RABGAP1L: variants seen among roughly 807,000 people sequenced by gnomAD.
RABGAP1L encodes the protein RAB GTPase activating protein 1 like, also known as rab GTPase-activating protein 1-like.
Under a neutral mutation model 137.7 loss-of-function variants are expected in RABGAP1L, and 63 were observed. The observed-to-expected ratio is 0.46, with a 90% CI of 0.37 to 0.56. RABGAP1L has a LOEUF of 0.56. Ranked by LOEUF, RABGAP1L falls within the 20% of genes least tolerant of loss-of-function variation. RABGAP1L has a pLI of 0.00. For missense variants in RABGAP1L, 1,095 were observed against 1,244.0 expected, an observed-to-expected ratio of 0.88 and a Z score of 1.80; for synonymous variants, 431 against 433.7, an observed-to-expected ratio of 0.99 and a Z score of 0.08.
At chr1:174,547,710 A>G (rs574023635) in intron 13 of RABGAP1L, 19 of 750,826 alleles carry the variant, frequency 2.5e-5, no homozygotes, top group South Asian at 2.3e-4. Context: ...TCTTTTAGAC[A>G]TGGGGAATTT....
chr1:174,957,356 A>T, intron 19 of RABGAP1L, 101 bp from the exon 20 acceptor site: 1 of 875,066 alleles, frequency 1.1e-6, no homozygotes, highest in Non-Finnish European at 1.9e-6. Flanking sequence ...TGAGTTGAGC[A>T]TGTTCCCTTA....
intron 11 of RABGAP1L, among the ~76,000 whole-genome samples, chr1:174,311,754 C>T (rs1299179151): frequency 6.6e-6 from 1 of 152,094 alleles, no homozygotes; most frequent in East Asian, 1.9e-4. Flanking sequence ...TTATGGGTGT[C>T]CAGCACCATG....
At chr1:174,720,508 G>T (rs1681435529) in intron 17 of RABGAP1L, among the ~76,000 whole-genome samples, 1 of 151,998 alleles carries the variant, frequency 6.6e-6, no homozygotes. Flanking sequence ...TAGAGACAGG[G>T]TTTTGCCATG....
intron 13 of RABGAP1L, among the ~76,000 whole-genome samples, chr1:174,517,021 C>G (rs1181038419): frequency 2.0e-5 from 3 of 151,772 alleles, no homozygotes; most frequent in Non-Finnish European, 2.9e-5. Context: ...GTCCTGTATT[C>G]AAGTGTTAGC....
chr1:174,952,626 T>C (rs1667895799), intron 19 of RABGAP1L, among the ~76,000 whole-genome samples: 1 of 152,140 alleles, frequency 6.6e-6, no homozygotes, highest in South Asian at 2.1e-4. Context: ...GGTCTCACTC[T>C]GTCACCTAGG....
chr1:174,352,099 C>A (rs530808308), intron 11 of RABGAP1L, among the ~76,000 whole-genome samples: 1 of 152,186 alleles, frequency 6.6e-6, no homozygotes, highest in South Asian at 2.1e-4. Flanking sequence ...TGAGCCACCA[C>A]GCCCGGCCGG....
At chr1:174,861,867 T>C (rs1336686111) in intron 19 of RABGAP1L, among the ~76,000 whole-genome samples, 4 of 152,144 alleles carry the variant, frequency 2.6e-5, no homozygotes, top group African/African-American at 4.8e-5. Context: ...TCATGAGATA[T>C]ATAGTTTGGA....
At chr1:174,429,606 G>A (rs540997890) in intron 13 of RABGAP1L, among the ~76,000 whole-genome samples, 8 of 152,106 alleles carry the variant, frequency 5.3e-5, no homozygotes, top group Non-Finnish European at 1.0e-4. Context: ...AGACATGGTG[G>A]TGGGCACCTG....
intron 19 of RABGAP1L, among the ~76,000 whole-genome samples, chr1:174,927,591 A>T (rs1663058297): frequency 6.6e-6 from 1 of 152,134 alleles, no homozygotes; most frequent in African/African-American, 2.4e-5. Flanking sequence ...ATCAGACTGG[A>T]GTGCAATGGC....
At chr1:174,357,641 A>G (rs1204935113) in intron 11 of RABGAP1L, among the ~76,000 whole-genome samples, 1 of 152,206 alleles carries the variant, frequency 6.6e-6, no homozygotes, top group African/African-American at 2.4e-5. Flanking sequence ...GCAAAAAGGA[A>G]GGACTGGCCA....
chr1:174,702,420 T>A (rs2148525181), intron 17 of RABGAP1L, among the ~76,000 whole-genome samples, 164 bp downstream of exon 17: 1 of 152,220 alleles, frequency 6.6e-6, no homozygotes, highest in Admixed American at 6.5e-5. Context: ...TTAATTGTAA[T>A]TTTATTATTT....
chr1:174,564,862 C>G (rs1224013185), intron 13 of RABGAP1L, among the ~76,000 whole-genome samples: 1 of 152,074 alleles, frequency 6.6e-6, no homozygotes, highest in Non-Finnish European at 1.5e-5. Context: ...ATAAGGTGGG[C>G]CACCCTGAAC....
At chr1:174,960,707 A>G (rs569185941) in intron 20 of RABGAP1L, among the ~76,000 whole-genome samples, 3 of 152,136 alleles carry the variant, frequency 2.0e-5, no homozygotes, top group Non-Finnish European at 2.9e-5. Flanking sequence ...CATGAACCCT[A>G]AATCACACCA....
In RABGAP1L at chr1:174,637,407, T is replaced by C; in HGVS notation, c.1743T>C (p.Asp581=). ...DSAQESVITR[D]IHRTFPAHDY... ...CCCAGGAGAGTGTTATTACTCGAGA[T>C]ATTCATCGTACATTTCCCGCACATG... Residue 581 remains aspartate (D), a synonymous_variant, in exon 14 of 26, where the codon GAT becomes GAC. Transcript: ENST00000681986. 1 of 1,612,914 alleles carries C rather than the reference T, an allele frequency of 6.2e-7. No homozygotes were observed. The highest frequency in any genetic ancestry group is 2.2e-5 in the East Asian group (1 of 44,850).
chr1:174,632,644 C>A (rs1290812875), intron 13 of RABGAP1L, among the ~76,000 whole-genome samples: 1 of 150,010 alleles, frequency 6.7e-6, no homozygotes, highest in Non-Finnish European at 1.5e-5. Context: ...TCATTCATTT[C>A]ATCTTCCATC....
intron 19 of RABGAP1L, among the ~76,000 whole-genome samples, chr1:174,871,237 G>C (rs1393520215): frequency 5.3e-5 from 8 of 151,286 alleles, no homozygotes; most frequent in Non-Finnish European, 5.9e-5. Context: ...GATCTCAGCT[G>C]ATTCTCCTGC....
intron 13 of RABGAP1L, among the ~76,000 whole-genome samples, chr1:174,438,488 G>A (rs1653693824): frequency 6.6e-6 from 1 of 151,814 alleles, no homozygotes; most frequent in Non-Finnish European, 1.5e-5. Flanking sequence ...GGAGGCTGAG[G>A]CAGGTGATCA....
intron 11 of RABGAP1L, among the ~76,000 whole-genome samples, chr1:174,342,094 C>T (rs1682023545): frequency 6.6e-6 from 1 of 152,018 alleles, no homozygotes; most frequent in South Asian, 2.1e-4. Flanking sequence ...CTAGATGCAG[C>T]ATGCTAAAAG....
chr1:174,312,223 G>A (rs527391939), intron 11 of RABGAP1L, among the ~76,000 whole-genome samples: 2 of 152,088 alleles, frequency 1.3e-5, no homozygotes, highest in African/African-American at 4.8e-5. Context: ...AGTGTACAAG[G>A]GTTCTTTTAT....
Sources: gnomAD v4.1 joint callset for allele counts (sites outside exome capture counted in the v4.1 genomes callset) on GRCh38, gnomAD v4.1.1 for gene constraint, MANE v1.5 for transcripts, NCBI Gene and HGNC (gene_info 2026-07-23, HGNC 2026-07-21) for gene names.